TENM1: variants seen among roughly 807,000 people sequenced by gnomAD.
The protein encoded by TENM1 is teneurin-1.
Under a neutral mutation model 174.8 loss-of-function variants are expected in TENM1, and 35 were observed. The ratio of observed to expected loss-of-function variants is 0.20; its 90% CI spans 0.15 to 0.27. The LOEUF is 0.27. TENM1 is among the 10% of genes least tolerant of loss of function. TENM1 has a pLI of 1.00. For synonymous variants in TENM1, 781 were observed against 798.7 expected (o/e 0.98, Z 0.37); for missense variants, 1,633 against 2,130.1 (o/e 0.77, Z 4.59).
intron 1 of TENM1, among the ~76,000 whole-genome samples, chrX:124,903,772 A>G (rs1457938643): frequency 8.9e-6 from 1 of 111,848 alleles, no homozygotes; most frequent in Non-Finnish European, 1.9e-5. Context: ...CTTCAACAGA[A>G]ATTTAGATCA....
At chrX:124,850,823 A>G (rs1021487448) in intron 3 of TENM1, among the ~76,000 whole-genome samples, 2 of 111,389 alleles carry the variant, frequency 1.8e-5, no homozygotes, top group African/African-American at 6.5e-5. Flanking sequence ...AAATATCACT[A>G]TCAATTGTGA....
At chrX:124,961,939 T>G (rs1304560863) in intron 1 of TENM1, among the ~76,000 whole-genome samples, 1 of 111,403 alleles carries the variant, frequency 9.0e-6, no homozygotes, top group African/African-American at 3.3e-5. Flanking sequence ...GTAATGATCA[T>G]GAAAATGGAA....
At chrX:124,610,083 C>T (rs2050247307) in intron 11 of TENM1, among the ~76,000 whole-genome samples, 1 of 111,641 alleles carries the variant, frequency 9.0e-6, no homozygotes, top group Admixed American at 9.5e-5. Context: ...ATTCACTAGC[C>T]TAGGTTGACA....
Position 124,816,238 on chromosome X carries a change from A to G in TENM1, c.535+78058T>C, listed in dbSNP as rs527526212. Among the ~76,000 whole-genome samples the G allele has an allele frequency of 7.1e-5, 8 of 112,055 alleles. No homozygotes were observed. In the South Asian group the frequency reaches 2.9e-3, roughly 41 times the overall value. ...TAGGTGTTGATAAAACAAAATACAC[A>G]AAATAAACTTTTCTCAGACCAATTT... On this transcript the variant is annotated intron_variant, in intron 3 of 31. Transcript: ENST00000422452.
At chrX:124,659,594 C>T (rs758450806) in intron 6 of TENM1, among the ~76,000 whole-genome samples, 1 of 110,055 alleles carries the variant, frequency 9.1e-6, no homozygotes, top group Non-Finnish European at 1.9e-5. Flanking sequence ...TGTCAAAATT[C>T]CAACTCTCAT....
rs577065321 is a variant in TENM1, at chrX:124,851,567, A to G, written c.535+42729T>C. ...TCCATCTCACTATTCTACTTGAGCT[A>G]TCTTTTCATATTGGCTCAGAGCATA... On this transcript the variant is annotated intron_variant, in intron 3 of 31. Coordinates refer to ENST00000422452, the Ensembl canonical transcript of TENM1. 3.2e-4 allele frequency among the ~76,000 whole-genome samples: 36 copies of G among 110,913 alleles called. 1 individual carries two copies. Among genetic ancestry groups the G allele is most frequent in the African/African-American group, 9.8e-4 (30 of 30,636 alleles).
chrX:124,991,593 T>C, the TENM1 span, among the ~76,000 whole-genome samples: 1 of 110,528 alleles, frequency 9.0e-6, no homozygotes, highest in African/African-American at 3.3e-5. Context: ...ATTTCTATTA[T>C]AATTTTCAGC....
intron 5 of TENM1, 149 bp downstream of exon 8, chrX:124,704,864 A>G: frequency 2.1e-6 from 1 of 466,872 alleles, no homozygotes; most frequent in Non-Finnish European, 3.7e-6. Context: ...GGAAGAAAAA[A>G]AAAAAAGAAG....
At chrX:124,718,509 CAT>C (rs763273937) in intron 4 of TENM1, among the ~76,000 whole-genome samples, 1 of 112,333 alleles carries the variant, frequency 8.9e-6, no homozygotes, top group East Asian at 2.8e-4. Flanking sequence ...AAGACTCTCA[CAT>C]AGAAATGCAG....
chrX:125,034,019 G>A, the TENM1 span, among the ~76,000 whole-genome samples: 1 of 111,410 alleles, frequency 9.0e-6, no homozygotes, highest in Non-Finnish European at 1.9e-5. Flanking sequence ...CAACAACACT[G>A]TGAGACAGAC....
intron 1 of TENM1, among the ~76,000 whole-genome samples, chrX:124,927,564 G>A (rs193294739): frequency 5.8e-4 from 65 of 112,051 alleles, no homozygotes; most frequent in Admixed American, 2.5e-3. Context: ...GAAGTGTTAT[G>A]CCTTAAGGGA....
At chrX:125,108,415 C>T in the TENM1 span, among the ~76,000 whole-genome samples, 1 of 111,526 alleles carries the variant, frequency 9.0e-6, no homozygotes, top group Non-Finnish European at 1.9e-5. Flanking sequence ...TCTTATAGCT[C>T]ATATGATTGA....
chrX:125,060,035 C>A, the TENM1 span, among the ~76,000 whole-genome samples: 3 of 109,561 alleles, frequency 2.7e-5, no homozygotes, highest in Non-Finnish European at 5.7e-5. Context: ...GCCTTTCAGA[C>A]GCATGCTGCA....
the TENM1 span, among the ~76,000 whole-genome samples, chrX:125,108,177 G>A: frequency 9.0e-6 from 1 of 111,222 alleles, no homozygotes; most frequent in African/African-American, 3.3e-5. Context: ...CAAGTTACCA[G>A]GCCACATTAA....
chrX:124,814,028 T>C (rs945124246), intron 3 of TENM1, among the ~76,000 whole-genome samples: 1 of 111,754 alleles, frequency 8.9e-6, no homozygotes, highest in Non-Finnish European at 1.9e-5. Context: ...ATTTAAGACC[T>C]AGTCAATTGT....
chrX:124,866,751 T>C (rs891530050), intron 3 of TENM1, among the ~76,000 whole-genome samples: 2 of 110,250 alleles, frequency 1.8e-5, no homozygotes, highest in African/African-American at 6.6e-5. Context: ...TTAAACAAGA[T>C]TGACAGACAA....
At chrX:124,495,943 G>C (rs1298696391) in intron 20 of TENM1, among the ~76,000 whole-genome samples, 1 of 101,493 alleles carries the variant, frequency 9.9e-6, no homozygotes, top group Non-Finnish European at 2.0e-5. Context: ...CAAAGCTGGA[G>C]GCATCACACT....
chrX:124,582,958 C>T (rs1203386728), intron 11 of TENM1, among the ~76,000 whole-genome samples: 1 of 112,394 alleles, frequency 8.9e-6, no homozygotes, highest in Non-Finnish European at 1.9e-5. Flanking sequence ...GATCAAATTG[C>T]AAGACTGCAG....
chrX:124,689,778 T>C (rs1353247439), intron 5 of TENM1, among the ~76,000 whole-genome samples: 2 of 111,271 alleles, frequency 1.8e-5, no homozygotes, highest in Non-Finnish European at 3.8e-5. Context: ...ACTATGTTTT[T>C]TTTTTCCTAC....
Sources: allele counts gnomAD v4.1 joint callset (sites outside exome capture counted in the v4.1 genomes callset), GRCh38; gene constraint gnomAD v4.1.1; transcripts MANE v1.5; gene names NCBI Gene and HGNC (gene_info 2026-07-23, HGNC 2026-07-21).